The following PDE1A variants were observed in gnomAD, a reference collection of about 807,000 sequenced individuals.
PDE1A encodes dual specificity calcium/calmodulin-dependent 3',5'-cyclic nucleotide phosphodiesterase 1A.
In PDE1A, 35 loss-of-function variants were observed where a neutral mutation model predicts 61.7. The observed-to-expected ratio is 0.57, with a 90% confidence interval of 0.43 to 0.75. The LOEUF (loss-of-function observed/expected upper bound fraction) is 0.75. Ranked by LOEUF, PDE1A falls within the 30% of genes least tolerant of loss-of-function variation. PDE1A has a pLI of 0.00. For synonymous variants in PDE1A, 232 were observed against 213.2 expected (o/e 1.09, Z -0.77); for missense variants, 597 against 630.6 (o/e 0.95, Z 0.57).
At chr2:182,540,845 T>G in the PDE1A span, among the ~76,000 whole-genome samples, 1 of 152,186 alleles carries the variant, frequency 6.6e-6, no homozygotes, top group South Asian at 2.1e-4. Context: ...TATGTACTTG[T>G]ATTACCGTAT....
At chr2:182,204,002 T>C (rs1023815950) in intron 8 of PDE1A, among the ~76,000 whole-genome samples, 1 of 152,096 alleles carries the variant, frequency 6.6e-6, no homozygotes, top group African/African-American at 2.4e-5. Context: ...AACAGAAACT[T>C]AGACAATTAC....
chr2:182,330,148 A>C (rs1216421849), intron 1 of PDE1A, among the ~76,000 whole-genome samples: 1 of 152,104 alleles, frequency 6.6e-6, no homozygotes, highest in Non-Finnish European at 1.5e-5. Flanking sequence ...GTTCAAGACC[A>C]GCCTGGCCAA....
At chr2:182,597,815 C>A in the PDE1A span, among the ~76,000 whole-genome samples, 2 of 152,196 alleles carry the variant, frequency 1.3e-5, no homozygotes, top group Admixed American at 1.3e-4. Context: ...AGAAACAATC[C>A]TTCCACAAAT....
the PDE1A span, among the ~76,000 whole-genome samples, chr2:182,635,164 C>G: frequency 1.3e-5 from 2 of 150,230 alleles, no homozygotes; most frequent in African/African-American, 4.9e-5. Context: ...TTGATCAATA[C>G]TAAGTTTCGG....
intron 1 of PDE1A, among the ~76,000 whole-genome samples, chr2:182,376,615 G>T (rs778326285): frequency 2.5e-4 from 38 of 152,086 alleles, no homozygotes; most frequent in South Asian, 6.2e-4. Flanking sequence ...TCCAACCTCT[G>T]CCTGTTACCC....
downstream of PDE1A, among the ~76,000 whole-genome samples, chr2:182,164,486 C>T (rs966188694): frequency 2.0e-5 from 3 of 152,204 alleles, no homozygotes; most frequent in South Asian, 6.2e-4. Flanking sequence ...TGAATACTCA[C>T]CAAAAGGTGA....
chr2:182,475,950 A>C (rs1687331819), intron 2 of PDE1A, among the ~76,000 whole-genome samples: 1 of 151,936 alleles, frequency 6.6e-6, no homozygotes, highest in African/African-American at 2.4e-5. Context: ...TAGGATGTTG[A>C]TAAAAAATTA....
intron 1 of PDE1A, 33 bp downstream of exon 1, chr2:182,426,545 C>G (rs747092355): frequency 1.4e-6 from 2 of 1,431,200 alleles, no homozygotes; most frequent in African/African-American, 2.8e-5. Flanking sequence ...TTCCTGACAG[C>G]CCTAGAGCCA....
At chr2:182,388,955 T>A (rs912208941) in intron 1 of PDE1A, among the ~76,000 whole-genome samples, 1 of 151,974 alleles carries the variant, frequency 6.6e-6, no homozygotes, top group Non-Finnish European at 1.5e-5. Flanking sequence ...AAATGAGACA[T>A]TACAACTGAT....
chr2:182,554,810 G>A, the PDE1A span, among the ~76,000 whole-genome samples: 1 of 151,994 alleles, frequency 6.6e-6, no homozygotes, highest in Admixed American at 6.6e-5. Flanking sequence ...TCTTCATTCT[G>A]CCAGTTCATA....
the PDE1A span, among the ~76,000 whole-genome samples, chr2:182,655,862 A>T: frequency 6.6e-6 from 1 of 152,060 alleles, no homozygotes; most frequent in East Asian, 1.9e-4. Flanking sequence ...AAGGCTTCTC[A>T]CTCCATCTCC....
intron 2 of PDE1A, among the ~76,000 whole-genome samples, chr2:182,507,074 CTA>C (rs1559524604): frequency 1.3e-5 from 2 of 152,130 alleles, no homozygotes; most frequent in Non-Finnish European, 1.5e-5. Context: ...TTTTATTAGA[CTA>C]TCTTTCTAAA....
At chr2:182,348,800 A>G (rs1288276899) in intron 1 of PDE1A, among the ~76,000 whole-genome samples, 1 of 151,522 alleles carries the variant, frequency 6.6e-6, no homozygotes, top group Non-Finnish European at 1.5e-5. Flanking sequence ...TGAGAGGGTA[A>G]TTGAACCTTA....
chr2:182,577,229 A>C, the PDE1A span, among the ~76,000 whole-genome samples: 7 of 152,218 alleles, frequency 4.6e-5, no homozygotes, highest in Non-Finnish European at 8.8e-5. Context: ...TACCATTATG[A>C]GGTGAAGCCG....
At chr2:182,451,568 AT>A (rs892870612) in intron 2 of PDE1A, among the ~76,000 whole-genome samples, 4 of 152,100 alleles carry the variant, frequency 2.6e-5, no homozygotes, top group Admixed American at 6.5e-5. Context: ...TAAAATGTTA[AT>A]TTTTTTATAA....
At chr2:182,635,651 A>C in the PDE1A span, among the ~76,000 whole-genome samples, 2 of 148,546 alleles carry the variant, frequency 1.3e-5, no homozygotes, top group Non-Finnish European at 3.0e-5. Context: ...TCATTTATGG[A>C]TCACTTTGTT....
intron 13 of PDE1A, among the ~76,000 whole-genome samples, chr2:182,174,875 C>T (rs1264668524): frequency 6.6e-6 from 1 of 152,100 alleles, no homozygotes; most frequent in Non-Finnish European, 1.5e-5. Flanking sequence ...GATATTTCTC[C>T]TAATGCTATT....
chr2:182,390,639 G>C (rs946569413), intron 1 of PDE1A, among the ~76,000 whole-genome samples: 11 of 152,180 alleles, frequency 7.2e-5, no homozygotes, highest in Non-Finnish European at 1.6e-4. Flanking sequence ...TGGAAAATCA[G>C]ACACAAGCCC....
At chr2:182,244,081 G>T (rs2568676) in intron 2 of PDE1A, among the ~76,000 whole-genome samples, 108,039 of 151,736 alleles carry the variant, frequency 0.71, 38,906 homozygotes, top group African/African-American at 0.83. Flanking sequence ...TGGTCAGGCT[G>T]GTCTCGAACT....
Sources: allele counts gnomAD v4.1 joint callset (sites outside exome capture counted in the v4.1 genomes callset), GRCh38; gene constraint gnomAD v4.1.1; transcripts MANE v1.5; gene names NCBI Gene and HGNC (gene_info 2026-07-23, HGNC 2026-07-21).